The following HCFC2 variants were observed in gnomAD, a reference collection of about 807,000 sequenced individuals.
HCFC2 encodes the protein host cell factor C2.
Under a neutral mutation model 89.2 loss-of-function variants are expected in HCFC2, and 18 were observed. The observed-to-expected ratio is 0.20, with a 90% CI of 0.14 to 0.30. HCFC2 has a LOEUF of 0.30. HCFC2 is among the 10% of genes least tolerant of loss of function. HCFC2 has a pLI of 1.00. For missense variants in HCFC2, 578 were observed against 956.1 expected, an observed-to-expected ratio of 0.60 and a Z score of 5.21; for synonymous variants, 308 against 335.7, an observed-to-expected ratio of 0.92 and a Z score of 0.90.
At position 104,079,532 on chromosome 12, in the gene HCFC2, T is replaced by A; in HGVS notation, c.561T>A (p.Pro187=). Residue 187 remains proline, a synonymous_variant, in exon 4 of 15, where the codon CCT becomes CCA. Coordinates refer to ENST00000229330, the MANE Select transcript of HCFC2 (RefSeq NM_013320.3). The part of the protein sequence containing the change: ...WSIPVTKGVV[P]SPRESHTAVI... ...TTCCAGTGACTAAAGGGGTTGTGCCTTCTCCAAGAGAATCCCACACAGCTG... is the reference window on the plus strand; with the variant it reads ...TTCCAGTGACTAAAGGGGTTGTGCCATCTCCAAGAGAATCCCACACAGCTG... 1 of 1,614,128 alleles carries A rather than the reference T, an allele frequency of 6.2e-7. No individual in the cohort carries two copies. The highest frequency in any genetic ancestry group is 8.5e-7 in the Non-Finnish European group (1 of 1,179,972).
intron 3 of HCFC2, among the ~76,000 whole-genome samples, chr12:104,078,840 C>T (rs899358055): frequency 6.6e-6 from 1 of 152,158 alleles, no homozygotes; most frequent in African/African-American, 2.4e-5. Context: ...GGGGTTACTT[C>T]TATGTCTGAT....
In HCFC2 at chr12:104,102,584, T is replaced by C. The variant is rs528746563; in HGVS notation, c.2065-375T>C. On this transcript the variant is annotated intron_variant, in intron 14 of 14. Transcript: ENST00000229330. ...AGAAAGGCAGGGAAATCTGGTATGC[T>C]TCTAAATTTGTTCTTGTTATTATGG... 2.1e-4 allele frequency among the ~76,000 whole-genome samples: 32 copies of C among 152,330 alleles called. 1 individual carries two copies. In the South Asian group the frequency reaches 6.0e-3, roughly 29 times the overall value.
intron 8 of HCFC2, 35 bp from the exon 9 acceptor site, chr12:104,087,951 G>A: frequency 7.5e-7 from 1 of 1,338,234 alleles, no homozygotes; most frequent in Non-Finnish European, 1.0e-6. Context: ...AGCTAGTTAA[G>A]AGCATATCAG....
intron 13 of HCFC2, among the ~76,000 whole-genome samples, 172 bp downstream of exon 13, chr12:104,098,652 A>T (rs886203662): frequency 2.0e-5 from 3 of 152,192 alleles, no homozygotes; most frequent in African/African-American, 7.2e-5. Flanking sequence ...AATCTATATA[A>T]TTGAGAATTC....
intron 3 of HCFC2, among the ~76,000 whole-genome samples, chr12:104,075,984 T>C (rs1252305369): frequency 6.6e-6 from 1 of 152,250 alleles, no homozygotes; most frequent in African/African-American, 2.4e-5. Context: ...TTGTTATTAT[T>C]GCCAATATCT....
At chr12:104,098,263 AC>A (rs1308704425) in intron 12 of HCFC2, 79 bp from the exon 13 acceptor site, 3 of 1,064,188 alleles carry the variant, frequency 2.8e-6, no homozygotes, top group Non-Finnish European at 4.0e-6. Flanking sequence ...CTTGTAGATC[AC>A]TGCATGGACT....
At chr12:104,065,192 C>T (rs1312649293) in intron 1 of HCFC2, 1 of 152,660 alleles carries the variant, frequency 6.6e-6, no homozygotes. Flanking sequence ...CTGGCACTCT[C>T]GCCTCAAATA....
At chr12:104,085,753 T>A (rs956291490) in intron 7 of HCFC2, among the ~76,000 whole-genome samples, 16 of 152,004 alleles carry the variant, frequency 1.1e-4, no homozygotes, top group African/African-American at 3.6e-4. Context: ...TGATAGCATG[T>A]AAAAGAGTAA....
chr12:104,075,147 G>A (rs866520793), intron 3 of HCFC2, among the ~76,000 whole-genome samples: 1 of 150,922 alleles, frequency 6.6e-6, no homozygotes, highest in Non-Finnish European at 1.5e-5. Context: ...CTGAACCCAG[G>A]AGTTTAAATC....
intron 3 of HCFC2, among the ~76,000 whole-genome samples, chr12:104,070,401 C>G (rs1003006113): frequency 3.3e-5 from 5 of 152,116 alleles, no homozygotes; most frequent in African/African-American, 4.8e-5. Context: ...GTGTTTTGAT[C>G]ACATTGTCAT....
chr12:104,104,969 A>G lies in HCFC2; in HGVS notation c.*1696A>G, dbSNP rs1406468129. 1 of 151,986 alleles carries G rather than the reference A, an allele frequency of 6.6e-6. No homozygotes were observed. Among genetic ancestry groups the G allele is most frequent in the Non-Finnish European group, 1.5e-5 (1 of 67,874 alleles). The allele number at this position is 151,986 out of a possible 1,614,324, so 9.4% of individuals were successfully genotyped here. ...CAGCAATGCCCTTGGTGAGAGCTTC[A>G]TTCTGCATTTGTTTAATTCATATGC... is the stretch of plus-strand genomic sequence containing the variant. On this transcript the variant is annotated 3_prime_UTR_variant, in exon 15 of 15. Transcript: ENST00000229330.
intron 8 of HCFC2, among the ~76,000 whole-genome samples, chr12:104,087,441 GTA>G (rs1223904859): frequency 8.6e-4 from 76 of 88,486 alleles, no homozygotes; most frequent in African/African-American, 2.0e-3. Flanking sequence ...GTGTGTGTGT[GTA>G]TGTGTGTGTG....
At chr12:104,092,905 A>G (rs1335477129) in intron 9 of HCFC2, among the ~76,000 whole-genome samples, 1 of 152,236 alleles carries the variant, frequency 6.6e-6, no homozygotes, top group Non-Finnish European at 1.5e-5. Context: ...TAGGATAATG[A>G]TATGTATATG....
At position 104,068,953 on chromosome 12, in the gene HCFC2, G is replaced by A. The variant is rs1883232167; in HGVS notation, c.473+846G>A. On this transcript the variant is annotated intron_variant, in intron 3 of 14. Transcript: ENST00000229330. This position sits in a 1 kb window ranked among gnomAD's most constrained non-coding sequence, Gnocchi z 4.1. Reference sequence around the variant, plus strand: ...TATATATATTAAAATGGTTACTATAGTGGTAATATATCCGTCATTTCATAT... The same window carrying A: ...TATATATATTAAAATGGTTACTATAATGGTAATATATCCGTCATTTCATAT... 6.6e-6 allele frequency among the ~76,000 whole-genome samples: 1 copy of A among 151,836 alleles called. No individual in the cohort carries two copies. The highest frequency in any genetic ancestry group is 2.4e-5 in the African/African-American group (1 of 41,292).
chr12:104,086,169 C>T (rs985060130), intron 7 of HCFC2, among the ~76,000 whole-genome samples: 4 of 151,788 alleles, frequency 2.6e-5, no homozygotes, highest in African/African-American at 4.8e-5. Context: ...GGCTAATTTT[C>T]GTATTTTTAG....
intron 9 of HCFC2, among the ~76,000 whole-genome samples, chr12:104,088,701 A>G (rs1593605312): frequency 6.6e-6 from 1 of 152,202 alleles, no homozygotes; most frequent in Non-Finnish European, 1.5e-5. Context: ...GCATAGGTCC[A>G]GAAGTATATC....
At chr12:104,087,468 T>C (rs199634050) in intron 8 of HCFC2, among the ~76,000 whole-genome samples, 7 of 266 alleles carry the variant, frequency 0.026, no homozygotes, top group Non-Finnish European at 0.031. Flanking sequence ...TATATATACA[T>C]ATATATATAT....
chr12:104,078,243 C>T (rs1331515283), intron 3 of HCFC2, among the ~76,000 whole-genome samples: 8 of 151,714 alleles, frequency 5.3e-5, no homozygotes, highest in Admixed American at 4.6e-4. Context: ...CTTCGTGTTC[C>T]GCCCGCCTCA....
Position 104,088,755 on chromosome 12 carries a change from AG to A in HCFC2, c.1284+718del, listed in dbSNP as rs952070488. Among the ~76,000 whole-genome samples, 76 of 152,284 alleles carry A rather than the reference AG, an allele frequency of 5.0e-4. 1 individual carries two copies. The highest frequency in any genetic ancestry group is 1.8e-3 in the African/African-American group (74 of 41,550). The stretch of plus-strand genomic sequence containing the variant: ...GTCAGGAAGGGGTTATTACAAGTAA[AG>A]CTCATACAGTTTGTAAGTAGCCTGT... On this transcript the variant is annotated intron_variant, in intron 9 of 14. Transcript: ENST00000229330.
Sources: gnomAD v4.1 joint callset for allele counts (sites outside exome capture counted in the v4.1 genomes callset) on GRCh38, gnomAD v4.1.1 for gene constraint, Gnocchi (gnomAD v3.1) non-coding constraint, MANE v1.5 for transcripts, NCBI Gene and HGNC (gene_info 2026-07-23, HGNC 2026-07-21) for gene names.